Variants in L2HGDH observed in about 807,000 individuals in gnomAD.
L2HGDH encodes L-2-hydroxyglutarate dehydrogenase, also known as L-2-hydroxyglutarate dehydrogenase, mitochondrial.
In L2HGDH, 34 loss-of-function variants were observed where a neutral mutation model predicts 51.5. That is an observed-to-expected ratio of 0.66 (90% CI 0.50 to 0.88). The LOEUF (loss-of-function observed/expected upper bound fraction) is 0.88. L2HGDH is among the 40% of genes least tolerant of loss of function. L2HGDH has a pLI of 0.00. For missense variants in L2HGDH, 558 were observed against 571.9 expected, an observed-to-expected ratio of 0.98 and a Z score of 0.25; for synonymous variants, 198 against 197.9, an observed-to-expected ratio of 1.00 and a Z score of -0.01.
At chr14:50,291,578 A>G (rs1890889327) in intron 4 of L2HGDH, among the ~76,000 whole-genome samples, 1 of 152,166 alleles carries the variant, frequency 6.6e-6, no homozygotes, top group South Asian at 2.1e-4. Context: ...CTCATTCAAC[A>G]CTATTTAGAC....
At chr14:50,254,581 T>C (rs1888551840) in intron 9 of L2HGDH, among the ~76,000 whole-genome samples, 1 of 152,124 alleles carries the variant, frequency 6.6e-6, no homozygotes, top group African/African-American at 2.4e-5. Flanking sequence ...AATCAGTCAG[T>C]ACATTCCCTT....
chr14:50,282,341 T>C (rs1372841166), intron 5 of L2HGDH: 2 of 409,540 alleles, frequency 4.9e-6, no homozygotes, highest in Non-Finnish European at 9.7e-6. Context: ...GGTGTCCTAC[T>C]TTCCTAGTCC....
chr14:50,246,647 C>T lies in L2HGDH; in HGVS notation c.*411G>A. ...ACAGGGTTTTGCCATGTTGCCCAGG[C>T]TGTTCTCAAACTCCTGGGCTACAAT... On this transcript the variant is annotated 3_prime_UTR_variant, in exon 10 of 10. Coordinates refer to ENST00000267436, the MANE Select transcript of L2HGDH (RefSeq NM_024884.3). The T allele has an allele frequency of 5.7e-6, 1 of 174,096 alleles. No individual in the cohort carries two copies. Among genetic ancestry groups the T allele is most frequent in the Non-Finnish European group, 1.2e-5 (1 of 81,174 alleles). 10.8% of individuals were successfully genotyped at this position (174,096 alleles called of 1,614,324 possible).
intron 3 of L2HGDH, among the ~76,000 whole-genome samples, chr14:50,297,303 AAAG>A (rs2030114573): frequency 6.6e-6 from 1 of 152,190 alleles, no homozygotes; most frequent in Non-Finnish European, 1.5e-5. Flanking sequence ...CTAAATTGGA[AAAG>A]AAGTAAAACT....
At chr14:50,303,041 A>G (rs1452599968) in intron 1 of L2HGDH, 24 bp from the exon 2 acceptor site, 1 of 1,439,492 alleles carries the variant, frequency 6.9e-7, no homozygotes, top group Admixed American at 1.7e-5. Flanking sequence ...TCATCTTTAA[A>G]GTAATTCATA....
Position 50,267,831 on chromosome 14 carries a change from G to C in L2HGDH, c.986C>G (p.Ala329Gly). ...ACCCTCTCGTTTAAAGGCAAGAACT[G>C]CATTAGGCCCTAGCCAAATACTGCC... ...MDGSIWLGPN[A>G]VLAFKREGYR... Residue 329 changes from alanine to glycine, a missense_variant, in exon 8 of 10, where the codon GCA becomes GGA. Ala to Gly is a moderately conservative substitution (Grantham distance 60). Around this residue, in one of 3 missense-constraint regions of L2HGDH, gnomAD observed 321 missense variants for 311.8 expected, o/e 1.03. Transcript: ENST00000267436. 1 of 1,613,688 alleles carries C rather than the reference G, an allele frequency of 6.2e-7. No homozygotes were observed. Among genetic ancestry groups the C allele is most frequent in the Middle Eastern group, 1.7e-4 (1 of 6,060 alleles).
chr14:50,267,340 G>A (rs1381896746), intron 8 of L2HGDH, among the ~76,000 whole-genome samples: 5 of 151,746 alleles, frequency 3.3e-5, no homozygotes, highest in Non-Finnish European at 5.9e-5. Flanking sequence ...CAGCCACCAC[G>A]CCTAGCTAAT....
intron 6 of L2HGDH, among the ~76,000 whole-genome samples, chr14:50,271,569 G>A (rs528359621): frequency 5.7e-4 from 87 of 152,152 alleles, no homozygotes; most frequent in Non-Finnish European, 8.5e-4. Flanking sequence ...GGCTTGGCAC[G>A]GTGGCTCACG....
intron 9 of L2HGDH, among the ~76,000 whole-genome samples, chr14:50,250,169 T>C (rs1332041493): frequency 1.3e-5 from 2 of 152,174 alleles, no homozygotes; most frequent in Admixed American, 6.5e-5. Context: ...TCCAAAGTGT[T>C]GGGATTACAG....
intron 9 of L2HGDH, among the ~76,000 whole-genome samples, chr14:50,254,017 A>G (rs1888510105): frequency 6.6e-6 from 1 of 152,098 alleles, no homozygotes; most frequent in Non-Finnish European, 1.5e-5. Context: ...CTGTAACCAG[A>G]GGCTGCGAAA....
chr14:50,295,829 C>T (rs1168500245), intron 3 of L2HGDH, among the ~76,000 whole-genome samples: 3 of 151,176 alleles, frequency 2.0e-5, no homozygotes, highest in Non-Finnish European at 4.4e-5. Flanking sequence ...ACCTCTGCGT[C>T]CCAGGTTCAA....
rs543475946 is a variant in L2HGDH, at chr14:50,280,400, A to G, written c.704-1846T>C. Among the ~76,000 whole-genome samples, 102 of 152,270 alleles carry G rather than the reference A, an allele frequency of 6.7e-4. 2 individuals are homozygous for G. Among genetic ancestry groups the G allele is most frequent in the Admixed American group, 1.6e-3 (24 of 15,298 alleles). On this transcript the variant is annotated intron_variant, in intron 5 of 9. Transcript: ENST00000267436. ...AAGCTGGTCTGGAACTCCTGACCTC[A>G]GGTGATCCGCCTGCCTTGGCTTCCC...
In L2HGDH at chr14:50,259,985, C is replaced by CAGAG. The variant is rs34001223; in HGVS notation, c.1196+5369_1196+5372dup. Among the ~76,000 whole-genome samples the CAGAG allele has an allele frequency of 7.6e-3, 1,078 of 142,454 alleles. 5 individuals are homozygous for CAGAG. Among genetic ancestry groups the CAGAG allele is most frequent in the Middle Eastern group, 0.011 (3 of 282 alleles). 93.5% of individuals were successfully genotyped at this position (142,454 alleles called of 152,430 possible). A position where few individuals can be genotyped will look rare whatever the true frequency, so the allele number is the denominator to read the frequency against. The stretch of plus-strand genomic sequence containing the variant: ...GGAGAAAGAAGGAGAGAGAAGAAGA[C>CAGAG]AGAGAGAGAGAGAGAGAGAGAGAGA... On this transcript the variant is annotated intron_variant, in intron 9 of 9. Coordinates refer to ENST00000267436, the MANE Select transcript of L2HGDH (RefSeq NM_024884.3).
At chr14:50,248,254 C>T (rs1888125175) in intron 9 of L2HGDH, among the ~76,000 whole-genome samples, 4 of 152,120 alleles carry the variant, frequency 2.6e-5, no homozygotes, top group African/African-American at 9.7e-5. Flanking sequence ...CAAGGAAGCC[C>T]AGTGTGAAAA....
At chr14:50,265,337 C>T (rs758761286) in intron 9 of L2HGDH, 21 bp downstream of exon 9, 2 of 1,600,040 alleles carry the variant, frequency 1.2e-6, no homozygotes, top group Non-Finnish European at 8.6e-7. Context: ...TGTATTTACA[C>T]TCCTTATCCC....
At chr14:50,289,210 C>T (rs1890730797) in intron 4 of L2HGDH, among the ~76,000 whole-genome samples, 1 of 152,034 alleles carries the variant, frequency 6.6e-6, no homozygotes, top group South Asian at 2.1e-4. Flanking sequence ...ATTCACAACC[C>T]TAGTTTTATA....
rs2139982392 is a variant in L2HGDH, at chr14:50,269,319, A to G, written c.750T>C (p.Ile250=). The part of the protein sequence containing the change: ...IVIKNTKGEE[I]RCQYVVTCAG... ...CACATGTCACAACATACTGACATCG[A>G]ATTTCCTCTCCCTAGTGCAAAATAA... is the stretch of plus-strand genomic sequence containing the variant. The change falls in exon 7 of 10, where the codon ATT becomes ATC. Residue 250 remains isoleucine, a synonymous_variant. Transcript: ENST00000267436. 2 of 1,614,114 alleles carry G rather than the reference A, an allele frequency of 1.2e-6. No individual in the cohort carries two copies. The highest frequency in any genetic ancestry group is 1.7e-6 in the Non-Finnish European group (2 of 1,179,966).
chr14:50,278,550 C>T lies in L2HGDH; in HGVS notation c.708G>A (p.Met236Ile). Residue 236 changes from methionine (M) to isoleucine (I), a missense_variant, in exon 6 of 10, where the codon ATG (methionine) becomes ATA (isoleucine). Physicochemically the swap from Met to Ile is conservative, Grantham distance 10. This residue lies in a region of L2HGDH where 321 missense variants were observed against 311.8 expected (regional missense o/e 1.03). Transcript: ENST00000267436. ...TATTCTTTATAACAATTGGATATTG[C>T]ATTCCTGAAAAAAAAGAATAAGTGA... ...KESPSRSIDG[M>I]QYPIVIKNTK... 1.4e-6 allele frequency: 2 copies of T among 1,436,480 alleles called. No individual in the cohort carries two copies. Among genetic ancestry groups the T allele is most frequent in the Non-Finnish European group, 1.9e-6 (2 of 1,030,284 alleles). The allele number at this position is 1,436,480 out of a possible 1,614,324, so 89.0% of individuals were successfully genotyped here.
chr14:50,298,663 C>T lies in L2HGDH; in HGVS notation c.408+3354G>A, dbSNP rs555730917. The stretch of plus-strand genomic sequence containing the variant: ...GTGAGATAGTGCCACTATATTCCAG[C>T]CTGGGTGAGACAGAGACTCTATCTC... On this transcript the variant is annotated intron_variant, in intron 3 of 9. Transcript: ENST00000267436. Among the ~76,000 whole-genome samples, 4 of 152,128 alleles carry T rather than the reference C, an allele frequency of 2.6e-5. No individual in the cohort carries two copies. In the South Asian group the frequency reaches 6.2e-4, roughly 24 times the overall value.
Sources: gnomAD v4.1 joint callset for allele counts (sites outside exome capture counted in the v4.1 genomes callset) on GRCh38, gnomAD v4.1.1 for gene constraint, gnomAD v4.1.1 regional missense constraint, MANE v1.5 for transcripts, NCBI Gene and HGNC (gene_info 2026-07-23, HGNC 2026-07-21) for gene names.